Variants in PCDHA11 observed in about 807,000 individuals in gnomAD.
PCDHA11 encodes protocadherin alpha-11.
A neutral mutation model predicts 70.3 loss-of-function variants in PCDHA11; 61 were observed. The observed-to-expected ratio is 0.87, with a 90% confidence interval of 0.71 to 1.07. PCDHA11 has a LOEUF of 1.07. PCDHA11 is among the 50% of genes least tolerant of loss of function. The pLI, the probability that PCDHA11 is intolerant of heterozygous loss-of-function variation, is 0.00. For synonymous variants in PCDHA11, 633 were observed against 555.1 expected (o/e 1.14, Z -1.97); for missense variants, 1,324 against 1,237.5 (o/e 1.07, Z -1.05).
chr5:140,996,848 G>A (rs560517454), intron 3 of PCDHA11, among the ~76,000 whole-genome samples: 1 of 152,254 alleles, frequency 6.6e-6, no homozygotes, highest in African/African-American at 2.4e-5. Flanking sequence ...TGCATCTTCA[G>A]AATTCTTTAT....
intron 2 of PCDHA11, among the ~76,000 whole-genome samples, chr5:140,979,418 T>A (rs895579689): frequency 3.3e-5 from 5 of 152,178 alleles, no homozygotes; most frequent in South Asian, 2.1e-4. Flanking sequence ...GTTTTTTTTT[T>A]AATCTCACAT....
At chr5:140,913,144 A>T (rs1473490766) in intron 1 of PCDHA11, among the ~76,000 whole-genome samples, 4 of 152,180 alleles carry the variant, frequency 2.6e-5, no homozygotes, top group Non-Finnish European at 5.9e-5. Context: ...TTTTTGGAAT[A>T]GTTTGAGTAG....
At chr5:140,966,663 A>C in intron 1 of PCDHA11, 1 of 1,237,556 alleles carries the variant, frequency 8.1e-7, no homozygotes, top group East Asian at 3.0e-5. Context: ...GTGGGGGAGC[A>C]GGCGCAGGGT....
chr5:140,920,841 T>TAA (rs781921146), intron 1 of PCDHA11, among the ~76,000 whole-genome samples: 36 of 109,202 alleles, frequency 3.3e-4, no homozygotes, highest in African/African-American at 8.5e-4. Flanking sequence ...AGACCAAATC[T>TAA]AAAAAAAAAA....
Position 140,870,913 on chromosome 5 carries a change from G to C in PCDHA11, c.1810G>C (p.Ala604Pro), listed in dbSNP as rs933995054. Residue 604 changes from alanine (A) to proline (P), a missense_variant, in exon 1 of 4, where the codon GCG becomes CCG. Physicochemically the swap from Ala to Pro is conservative, Grantham distance 27. Transcript: ENST00000398640. ...AGTGGATGCGGACTCAGGCTACAAC[G>C]CGTGGCTTTCATATGAATTGCAGCC... ...RAVDADSGYNAWLSYELQPAA... is the reference protein window; with the variant it reads ...RAVDADSGYNPWLSYELQPAA... The C allele has an allele frequency of 2.5e-6, 4 of 1,613,936 alleles. No homozygotes were observed. Among genetic ancestry groups the C allele is most frequent in the Non-Finnish European group, 3.4e-6 (4 of 1,179,896 alleles).
At chr5:140,896,501 T>G (rs1279439158) in intron 1 of PCDHA11, among the ~76,000 whole-genome samples, 4 of 152,048 alleles carry the variant, frequency 2.6e-5, no homozygotes, top group Non-Finnish European at 4.4e-5. Flanking sequence ...TAGCTGGGAC[T>G]GTGCAGGCAC....
intron 1 of PCDHA11, chr5:140,967,218 C>G: frequency 6.2e-7 from 1 of 1,613,744 alleles, no homozygotes; most frequent in Non-Finnish European, 8.5e-7. Flanking sequence ...TTCCCGCGGC[C>G]CAACTACCAG....
At chr5:140,959,285 G>A (rs2095478960) in intron 1 of PCDHA11, among the ~76,000 whole-genome samples, 1 of 152,002 alleles carries the variant, frequency 6.6e-6, no homozygotes, top group African/African-American at 2.4e-5. Flanking sequence ...CCTGAGGTGG[G>A]AGCATCACTG....
rs782073950 is a variant in PCDHA11, at chr5:140,978,950, C to G, written c.2393C>G (p.Pro798Arg). The G allele has an allele frequency of 1.2e-6, 2 of 1,614,102 alleles. No individual in the cohort carries two copies. The highest frequency in any genetic ancestry group is 1.7e-6 in the Non-Finnish European group (2 of 1,180,022). Reference sequence around the variant, plus strand: ...AAAACTCTCTTTGTGATTTTGCAGCCACGACAGCCCAACCCTGACTGGCGT... The same window carrying G: ...AAAACTCTCTTTGTGATTTTGCAGCGACGACAGCCCAACCCTGACTGGCGT... ...QEPGSNHPGQ[P>R]RQPNPDWRYS... The change falls in exon 2 of 4, where the codon CCA becomes CGA. Residue 798 changes from proline to arginine, a missense_variant and splice_region_variant. Coordinates refer to ENST00000398640, the MANE Select transcript of PCDHA11 (RefSeq NM_018902.5).
In PCDHA11 at chr5:140,985,839, A is replaced by G. The variant is rs570244448; in HGVS notation, c.2539+3276A>G. On this transcript the variant is annotated intron_variant, in intron 3 of 3. Coordinates refer to ENST00000398640, the MANE Select transcript of PCDHA11 (RefSeq NM_018902.5). ...ACAACAAGCTCTGCCTCCCGGGTTC[A>G]TGCCACTCTCCTGCCTCAGCCTCCT... Among the ~76,000 whole-genome samples the G allele has an allele frequency of 6.2e-5, 9 of 144,378 alleles. No homozygotes were observed. The East Asian group carries it at 1.9e-3, about 30-fold the overall frequency. 94.7% of individuals were successfully genotyped at this position (144,378 alleles called of 152,430 possible). A position where few individuals can be genotyped will look rare whatever the true frequency, so the allele number is the denominator to read the frequency against.
intron 1 of PCDHA11, among the ~76,000 whole-genome samples, chr5:140,938,918 A>T (rs2092265154): frequency 6.6e-6 from 1 of 152,006 alleles, no homozygotes; most frequent in Non-Finnish European, 1.5e-5. Flanking sequence ...CACGCACAAG[A>T]AATTGGCTTT....
intron 1 of PCDHA11, chr5:140,930,305 T>C (rs1554207723): frequency 6.6e-6 from 1 of 152,252 alleles, no homozygotes; most frequent in Non-Finnish European, 1.5e-5. Flanking sequence ...TAAGTAAATA[T>C]CATATTTGAG....
intron 1 of PCDHA11, among the ~76,000 whole-genome samples, chr5:140,906,628 G>A (rs976764797): frequency 2.0e-5 from 3 of 152,180 alleles, no homozygotes; most frequent in African/African-American, 7.2e-5. Context: ...CCTTCAGCAA[G>A]CACCTCAGCA....
intron 1 of PCDHA11, among the ~76,000 whole-genome samples, chr5:140,900,334 G>A (rs552378783): frequency 4.2e-4 from 64 of 152,060 alleles, no homozygotes; most frequent in East Asian, 1.6e-3. Context: ...CTGGAGTACC[G>A]TGGCGCAATC....
intron 1 of PCDHA11, among the ~76,000 whole-genome samples, chr5:140,895,314 G>A (rs2064960648): frequency 6.6e-6 from 1 of 151,858 alleles, no homozygotes; most frequent in Non-Finnish European, 1.5e-5. Context: ...TTCCACCCAT[G>A]ACTATTGTTC....
At chr5:140,967,627 C>G (rs1218869340) in intron 1 of PCDHA11, 16 of 1,614,040 alleles carry the variant, frequency 9.9e-6, no homozygotes, top group Non-Finnish European at 1.3e-5. Context: ...CGGATGAGGG[C>G]TCCAATGGTG....
chr5:140,957,281 T>A (rs1317654133), intron 1 of PCDHA11, among the ~76,000 whole-genome samples: 3 of 152,178 alleles, frequency 2.0e-5, no homozygotes, highest in Non-Finnish European at 2.9e-5. Flanking sequence ...CCCCCTTACC[T>A]GCAGTTTCAC....
At chr5:140,998,295 A>G (rs2097805023) in intron 3 of PCDHA11, among the ~76,000 whole-genome samples, 1 of 152,206 alleles carries the variant, frequency 6.6e-6, no homozygotes, top group Non-Finnish European at 1.5e-5. Context: ...CAGATCACAC[A>G]TTTAGTAAGG....
At chr5:140,949,721 A>G (rs1466646683) in intron 1 of PCDHA11, among the ~76,000 whole-genome samples, 1 of 151,690 alleles carries the variant, frequency 6.6e-6, no homozygotes, top group East Asian at 1.9e-4. Context: ...CATTTTGATA[A>G]TATCTGCTTT....
Sources: gnomAD v4.1 joint callset for allele counts (sites outside exome capture counted in the v4.1 genomes callset) on GRCh38, gnomAD v4.1.1 for gene constraint, MANE v1.5 for transcripts, NCBI Gene and HGNC (gene_info 2026-07-23, HGNC 2026-07-21) for gene names.